The following UGGT1 variants were observed in gnomAD, a reference collection of about 807,000 sequenced individuals.
UGGT1 encodes UDP-glucose:glycoprotein glucosyltransferase 1.
A neutral mutation model predicts 203.9 loss-of-function variants in UGGT1; 107 were observed. The ratio of observed to expected loss-of-function variants is 0.52; its 90% CI spans 0.45 to 0.62. The LOEUF (loss-of-function observed/expected upper bound fraction) is 0.62. Ranked by LOEUF, UGGT1 falls within the 20% of genes least tolerant of loss-of-function variation. The pLI is 0.00. For synonymous variants in UGGT1, 628 were observed against 653.5 expected (o/e 0.96, Z 0.59); for missense variants, 1,673 against 1,867.2 (o/e 0.90, Z 1.92).
chr2:128,174,309 G>GTTTT (rs536672995), intron 30 of UGGT1, among the ~76,000 whole-genome samples: 4 of 134,454 alleles, frequency 3.0e-5, no homozygotes, highest in Non-Finnish European at 4.8e-5. Context: ...TATTGTACTA[G>GTTTT]TTTTTTTTTT....
chr2:128,117,749 C>T (rs888452526), intron 8 of UGGT1, among the ~76,000 whole-genome samples: 1 of 151,840 alleles, frequency 6.6e-6, no homozygotes, highest in African/African-American at 2.4e-5. Context: ...TGGGGTTTCA[C>T]TGTGTTAGCC....
At chr2:128,101,273 A>G (rs1687363449) in intron 2 of UGGT1, among the ~76,000 whole-genome samples, 1 of 152,152 alleles carries the variant, frequency 6.6e-6, no homozygotes, top group South Asian at 2.1e-4. Flanking sequence ...CTGGTTAAGG[A>G]TGAAGGGTCA....
intron 22 of UGGT1, 37 bp downstream of exon 22, chr2:128,157,383 T>C (rs1249296582): frequency 6.4e-7 from 1 of 1,560,800 alleles, no homozygotes; most frequent in African/African-American, 1.4e-5. Flanking sequence ...TTTTTGTTTG[T>C]GGCTGTAGTT....
At chr2:128,103,787 T>G (rs1456622813) in intron 2 of UGGT1, 145 bp from the exon 3 acceptor site, 1 of 324,798 alleles carries the variant, frequency 3.1e-6, no homozygotes, top group African/African-American at 2.2e-5. Flanking sequence ...ATATATATTA[T>G]ACATAAAAGA....
chr2:128,170,531 T>C, intron 27 of UGGT1, 141 bp downstream of exon 27: 1 of 658,186 alleles, frequency 1.5e-6, no homozygotes, highest in Non-Finnish European at 2.6e-6. Context: ...CAGAGCAATC[T>C]TTACAAAGAT....
Position 128,161,273 on chromosome 2 carries a change from G to T in UGGT1, c.2825+5G>T. ...GCTTCGGGTAGAAGAAGATGTGTAA[G>T]TTTTGCCATAGGAGGAATTACAGGG... On this transcript the variant is annotated splice_donor_5th_base_variant and intron_variant, in intron 25 of 40. Transcript: ENST00000259253. 1 of 1,612,932 alleles carries T rather than the reference G, an allele frequency of 6.2e-7. No homozygotes were observed. The highest frequency in any genetic ancestry group is 8.5e-7 in the Non-Finnish European group (1 of 1,179,562).
chr2:128,186,664 T>G lies in UGGT1; in HGVS notation c.4360-19T>G. ...TTTAGATACATGTATTTTATTTTTA[T>G]TTTTTTTTAACCAAACAGGATCTGC... On this transcript the variant is annotated intron_variant, in intron 38 of 40. Transcript: ENST00000259253. 1 of 1,312,164 alleles carries G rather than the reference T, an allele frequency of 7.6e-7. No homozygotes were observed. The highest frequency in any genetic ancestry group is 1.0e-6 in the Non-Finnish European group (1 of 953,764). 81.3% of individuals were successfully genotyped at this position (1,312,164 alleles called of 1,614,324 possible).
intron 18 of UGGT1, among the ~76,000 whole-genome samples, chr2:128,150,487 A>G (rs1395103519): frequency 6.6e-6 from 1 of 152,082 alleles, no homozygotes; most frequent in African/African-American, 2.4e-5. Flanking sequence ...ACAGAAATGT[A>G]AATGAAGAGA....
At chr2:128,122,459 G>A (rs561585497) in intron 10 of UGGT1, among the ~76,000 whole-genome samples, 1 of 151,878 alleles carries the variant, frequency 6.6e-6, no homozygotes, top group Admixed American at 6.6e-5. Context: ...GCTTGAACCC[G>A]GGAGGTGAAG....
At chr2:128,139,565 C>G (rs1005914617) in intron 16 of UGGT1, among the ~76,000 whole-genome samples, 1 of 152,156 alleles carries the variant, frequency 6.6e-6, no homozygotes, top group African/African-American at 2.4e-5. Context: ...CAGTCCAGCA[C>G]TCAGCAGGGA....
chr2:128,135,069 C>T (rs1445764972), intron 15 of UGGT1, 108 bp downstream of exon 15: 2 of 913,828 alleles, frequency 2.2e-6, no homozygotes, highest in Admixed American at 2.1e-5. Context: ...TAATAGTGCA[C>T]ATCACTAATG....
intron 6 of UGGT1, among the ~76,000 whole-genome samples, chr2:128,114,665 T>C (rs1688017219): frequency 6.6e-6 from 1 of 152,198 alleles, no homozygotes; most frequent in Non-Finnish European, 1.5e-5. Flanking sequence ...CTCACCAGCT[T>C]TCAACCCTGC....
At chr2:128,145,523 CAT>C (rs58305617) in intron 17 of UGGT1, 31,747 of 114,556 alleles carry the variant, frequency 0.28, 2,251 homozygotes, top group African/African-American at 0.31. Context: ...CACACACACA[CAT>C]ACACAAACAC....
intron 7 of UGGT1, 69 bp downstream of exon 7, chr2:128,115,289 T>G (rs1407637501): frequency 1.5e-5 from 21 of 1,378,232 alleles, no homozygotes; most frequent in Non-Finnish European, 1.8e-5. Context: ...TGTTTCCATA[T>G]GAAAAATAAT....
intron 31 of UGGT1, among the ~76,000 whole-genome samples, chr2:128,176,407 CAAAAAAAA>C (rs757833629): frequency 8.5e-5 from 6 of 70,226 alleles, no homozygotes; most frequent in African/African-American, 2.2e-4. Context: ...AACTCTGTCT[CAAAAAAAA>C]AAAAAAAAAA....
In UGGT1 at chr2:128,105,480, G is replaced by GATTTT. The variant is rs1453724013; in HGVS notation, c.277+1468_277+1472dup. On this transcript the variant is annotated intron_variant, in intron 3 of 40. Transcript: ENST00000259253. The stretch of plus-strand genomic sequence containing the variant: ...AGGCGTGAGTGACTGCACCCAGCTA[G>GATTTT]ATTTTACTTTATTTTATTTTATTTT... Among the ~76,000 whole-genome samples the GATTTT allele has an allele frequency of 5.8e-5, 8 of 137,380 alleles. No homozygotes were observed. In the East Asian group the frequency reaches 1.2e-3, roughly 21 times the overall value. 90.1% of individuals were successfully genotyped at this position (137,380 alleles called of 152,430 possible).
chr2:128,134,789 C>G, intron 14 of UGGT1, 87 bp from the exon 15 acceptor site: 1 of 1,208,758 alleles, frequency 8.3e-7, no homozygotes. Context: ...AGGTTGGCTT[C>G]ATGTACAGTG....
chr2:128,109,885 T>G, intron 5 of UGGT1, 139 bp downstream of exon 5: 1 of 636,960 alleles, frequency 1.6e-6, no homozygotes, highest in Non-Finnish European at 2.7e-6. Context: ...CCAGACTGAC[T>G]ATATTTGAAT....
chr2:128,143,171 T>C lies in UGGT1; in HGVS notation c.1797T>C (p.Tyr599=), dbSNP rs1237223130. ...GTGTCCTGGAGAAGAAATATCCGTA[T>C]GTAGAAGTGAATAGCATTTTGGGGA... ...VVSVLEKKYP[Y]VEVNSILGID... is the part of the protein sequence containing the mutation. Residue 599 remains tyrosine (Y), a synonymous_variant, in exon 17 of 41, where the codon TAT becomes TAC. Coordinates refer to ENST00000259253, the MANE Select transcript of UGGT1 (RefSeq NM_020120.4). 2.5e-6 allele frequency: 4 copies of C among 1,613,742 alleles called. No individual in the cohort carries two copies. The highest frequency in any genetic ancestry group is 2.7e-5 in the African/African-American group (2 of 74,918).
Sources: gnomAD v4.1 joint callset for allele counts (sites outside exome capture counted in the v4.1 genomes callset) on GRCh38, gnomAD v4.1.1 for gene constraint, MANE v1.5 for transcripts, NCBI Gene and HGNC (gene_info 2026-07-23, HGNC 2026-07-21) for gene names.